The following DAAM1 variants were observed in gnomAD, a reference collection of about 807,000 sequenced individuals.
The protein encoded by DAAM1 is dishevelled associated activator of morphogenesis 1, also known as disheveled-associated activator of morphogenesis 1.
DAAM1 carries 52 observed loss-of-function variants against 130.0 expected under a neutral mutation model. The observed-to-expected ratio is 0.40, with a 90% CI of 0.32 to 0.50. The LOEUF (loss-of-function observed/expected upper bound fraction) is 0.50, where lower values mean the gene tolerates loss of function less well. Ranked by LOEUF, DAAM1 falls within the 20% of genes least tolerant of loss-of-function variation. DAAM1 has a pLI of 0.61. For missense variants in DAAM1, 1,134 were observed against 1,303.8 expected, an observed-to-expected ratio of 0.87 and a Z score of 2.01; for synonymous variants, 452 against 444.5, an observed-to-expected ratio of 1.02 and a Z score of -0.21.
chr14:59,320,985 A>G lies in DAAM1; in HGVS notation c.440+401A>G, dbSNP rs191686737. Among the ~76,000 whole-genome samples, 348 of 152,310 alleles carry G rather than the reference A, an allele frequency of 2.3e-3. 1 individual carries two copies. The highest frequency in any genetic ancestry group is 7.9e-3 in the African/African-American group (327 of 41,564). On this transcript the variant is annotated intron_variant, in intron 5 of 24. Transcript: ENST00000360909. ...GAATGTAGCCAAGGGAAATGAAGAC[A>G]TGTCTCCCAAAAACATGTATGCAGA...
At chr14:59,340,007 A>G in intron 15 of DAAM1, 67 bp from the exon 16 acceptor site, 3 of 1,394,886 alleles carry the variant, frequency 2.2e-6, no homozygotes, top group Non-Finnish European at 3.0e-6. Flanking sequence ...AATGTAAAGG[A>G]AAGTGTGTAT....
chr14:59,328,271 A>C (rs1016369305), intron 12 of DAAM1, among the ~76,000 whole-genome samples: 1 of 152,262 alleles, frequency 6.6e-6, no homozygotes, highest in Non-Finnish European at 1.5e-5. Flanking sequence ...ATTGCTCCCA[A>C]ATAAGTGACA....
chr14:59,248,961 G>T (rs1029237819), intron 1 of DAAM1, among the ~76,000 whole-genome samples: 1 of 152,062 alleles, frequency 6.6e-6, no homozygotes, highest in Non-Finnish European at 1.5e-5. Context: ...CTAATTTTTT[G>T]TATTTTTGGT....
chr14:59,253,386 G>A (rs1881732974), intron 1 of DAAM1, among the ~76,000 whole-genome samples: 1 of 152,160 alleles, frequency 6.6e-6, no homozygotes, highest in Non-Finnish European at 1.5e-5. Context: ...AGAGAGTGAG[G>A]CTAATTTTAA....
chr14:59,196,769 A>C (rs1029347884), intron 1 of DAAM1, among the ~76,000 whole-genome samples: 1 of 152,054 alleles, frequency 6.6e-6, no homozygotes, highest in African/African-American at 2.4e-5. Flanking sequence ...CAAAACAAAA[A>C]AACAAAACCC....
In DAAM1 at chr14:59,370,144, C is replaced by CTTTTTTTTTTTT. The variant is rs398025271; in HGVS notation, c.*1300_*1311dup. 2 of 95,400 alleles carry CTTTTTTTTTTTT rather than the reference C, an allele frequency of 2.1e-5. No homozygotes were observed. The highest frequency in any genetic ancestry group is 4.3e-5 in the Non-Finnish European group (2 of 46,364). The allele number at this position is 95,400 out of a possible 1,614,324, so 5.9% of individuals were successfully genotyped here. On this transcript the variant is annotated 3_prime_UTR_variant, in exon 25 of 25. Transcript: ENST00000360909. ...TATAAAGAGGACTGTTACTTTTTTA[C>CTTTTTTTTTTTT]TTTTTTTTTTTTTTTTTTTTTTTTT...
Position 59,368,919 on chromosome 14 carries a change from G to A in DAAM1, c.*60G>A, listed in dbSNP as rs1031895570. 9 of 1,498,232 alleles carry A rather than the reference G, an allele frequency of 6.0e-6. No individual in the cohort carries two copies. The highest frequency in any genetic ancestry group is 2.4e-5 in the East Asian group (1 of 42,476). The allele number at this position is 1,498,232 out of a possible 1,614,324, so 92.8% of individuals were successfully genotyped here. A position where few individuals can be genotyped will look rare whatever the true frequency, so the allele number is the denominator to read the frequency against. On this transcript the variant is annotated 3_prime_UTR_variant, in exon 25 of 25. Coordinates refer to ENST00000360909, the MANE Select transcript of DAAM1 (RefSeq NM_001270520.2). ...AGCAGCCCTCTAAAGTGACTAGAAC[G>A]TTTCATTACACTGCCTTGCAATCCA...
rs58762540 is a variant in DAAM1 at position 59,288,832 on chromosome 14, G to GGAGAGAGAGAGAGAGA, written c.184-2371_184-2356dup. On this transcript the variant is annotated intron_variant, in intron 2 of 24. Transcript: ENST00000360909. ...GCAAGCACATTTTCCTGTGATAGCA[G>GGAGAGAGAGAGAGAGA]GAGAGAGAGAGAGAGAGAGAGAGAG... 2.5e-3 allele frequency among the ~76,000 whole-genome samples: 358 copies of GGAGAGAGAGAGAGAGA among 143,970 alleles called. 4 individuals are homozygous for GGAGAGAGAGAGAGAGA. Among genetic ancestry groups the GGAGAGAGAGAGAGAGA allele is most frequent in the African/African-American group, 8.3e-3 (307 of 36,898 alleles). 94.4% of individuals were successfully genotyped at this position (143,970 alleles called of 152,430 possible).
chr14:59,277,880 AGTCCT>A (rs1208302591), intron 2 of DAAM1, among the ~76,000 whole-genome samples: 1 of 152,182 alleles, frequency 6.6e-6, no homozygotes, highest in East Asian at 1.9e-4. Context: ...CTGGTACAGT[AGTCCT>A]CCCTTACCAG....
chr14:59,361,444 G>T (rs930416244), intron 22 of DAAM1, among the ~76,000 whole-genome samples: 5 of 152,188 alleles, frequency 3.3e-5, no homozygotes, highest in African/African-American at 9.7e-5. Flanking sequence ...GCAGCGGGTT[G>T]AGGGTGCTTT....
intron 16 of DAAM1, among the ~76,000 whole-genome samples, chr14:59,344,603 G>C (rs1885996037): frequency 6.6e-6 from 1 of 152,132 alleles, no homozygotes; most frequent in Admixed American, 6.5e-5. Flanking sequence ...GATCCAACAG[G>C]ACGCGTGCAT....
intron 10 of DAAM1, 75 bp from the exon 11 acceptor site, chr14:59,326,435 A>G: frequency 2.1e-6 from 3 of 1,455,834 alleles, no homozygotes; most frequent in Non-Finnish European, 1.9e-6. Context: ...TTAAAGGGTG[A>G]CCACCATTGA....
At chr14:59,242,094 G>A (rs1881149807) in intron 1 of DAAM1, among the ~76,000 whole-genome samples, 1 of 152,148 alleles carries the variant, frequency 6.6e-6, no homozygotes, top group Non-Finnish European at 1.5e-5. Flanking sequence ...GTTCAAACAG[G>A]CTATGTATCT....
chr14:59,326,296 T>C (rs890171479), intron 10 of DAAM1, among the ~76,000 whole-genome samples: 5 of 152,206 alleles, frequency 3.3e-5, no homozygotes, highest in Non-Finnish European at 7.3e-5. Context: ...ATAAAAAATA[T>C]GCCTTACAAC....
chr14:59,333,156 T>A (rs548174346), intron 15 of DAAM1, among the ~76,000 whole-genome samples: 1 of 152,322 alleles, frequency 6.6e-6, no homozygotes, highest in Admixed American at 6.5e-5. Context: ...AATATTTAAA[T>A]GAATATTTTT....
Position 59,263,590 on chromosome 14 carries a change from T to G in DAAM1, c.113T>G (p.Leu38Arg). ...YRLRNDSNFA[L>R]QTMEPALPMP... ...CTGCGAAATGATAGCAACTTTGCGC[T>G]TCAGACCATGGAACCAGCATTGCCC... is the stretch of plus-strand genomic sequence containing the variant. Residue 38 changes from leucine (L) to arginine (R), a missense_variant, in exon 2 of 25, where the codon CTT becomes CGT. This residue lies in a region of DAAM1 where 99 missense variants were observed against 86.4 expected (regional missense o/e 1.15). Coordinates refer to ENST00000360909, the MANE Select transcript of DAAM1 (RefSeq NM_001270520.2). 1.2e-6 allele frequency: 2 copies of G among 1,614,230 alleles called. No homozygotes were observed. Among genetic ancestry groups the G allele is most frequent in the Non-Finnish European group, 1.7e-6 (2 of 1,180,038 alleles).
intron 1 of DAAM1, among the ~76,000 whole-genome samples, chr14:59,221,147 C>T (rs1169163421): frequency 6.6e-6 from 1 of 152,206 alleles, no homozygotes; most frequent in Non-Finnish European, 1.5e-5. Context: ...ACTGAAAGTG[C>T]ACTTATCCCT....
intron 5 of DAAM1, 147 bp from the exon 6 acceptor site, chr14:59,322,745 G>A: frequency 1.6e-6 from 1 of 642,632 alleles, no homozygotes; most frequent in South Asian, 2.3e-5. Context: ...CAAGGAAGAG[G>A]CAAAGAATTA....
chr14:59,360,383 G>T (rs1886657954), intron 21 of DAAM1, among the ~76,000 whole-genome samples: 5 of 152,238 alleles, frequency 3.3e-5, no homozygotes, highest in African/African-American at 7.2e-5. Flanking sequence ...TTAGTGAAAA[G>T]CAGAACACTG....
Sources: gnomAD v4.1 joint callset for allele counts (sites outside exome capture counted in the v4.1 genomes callset) on GRCh38, gnomAD v4.1.1 for gene constraint, gnomAD v4.1.1 regional missense constraint, MANE v1.5 for transcripts, NCBI Gene and HGNC (gene_info 2026-07-23, HGNC 2026-07-21) for gene names.